UBL3: variants seen among roughly 807,000 people sequenced by gnomAD.
UBL3 encodes the protein ubiquitin-like protein 3.
A neutral mutation model predicts 18.4 loss-of-function variants in UBL3; 6 were observed. That is an observed-to-expected ratio of 0.33 (90% CI 0.18 to 0.64). UBL3 has a LOEUF of 0.64. Among genes scored for constraint, UBL3 ranks in the 30% least tolerant of loss-of-function variants. The pLI is 0.76. For missense variants in UBL3, 109 were observed against 142.9 expected, an observed-to-expected ratio of 0.76 and a Z score of 1.21; for synonymous variants, 49 against 46.6, an observed-to-expected ratio of 1.05 and a Z score of -0.21.
intron 1 of UBL3, among the ~76,000 whole-genome samples, chr13:29,788,874 CGCGCGCGCGCACGCGCACGTGTGT>C (rs58654015): frequency 0.34 from 21,004 of 61,434 alleles, 1,888 homozygotes; most frequent in East Asian, 0.54. Context: ...TGTGTGTGCG[CGCGCGCGCGCACGCGCACGTGTGT>C]GCGTGTGTGT....
intron 1 of UBL3, among the ~76,000 whole-genome samples, chr13:29,795,802 A>T (rs9506230): frequency 0.49 from 72,370 of 148,480 alleles, 18,664 homozygotes; most frequent in African/African-American, 0.65. Flanking sequence ...TGTGGTGGTA[A>T]GCACCTGCAG....
intron 1 of UBL3, among the ~76,000 whole-genome samples, chr13:29,831,681 AG>A (rs1878777045): frequency 6.6e-6 from 1 of 151,946 alleles, no homozygotes; most frequent in African/African-American, 2.4e-5. Context: ...GTTAAAAGAA[AG>A]GCTGATGACA....
At chr13:29,789,065 A>T (rs1225879631) in intron 1 of UBL3, among the ~76,000 whole-genome samples, 1 of 151,984 alleles carries the variant, frequency 6.6e-6, no homozygotes, top group Non-Finnish European at 1.5e-5. Context: ...ACACCCAGCT[A>T]ATTTTGCATT....
At chr13:29,780,347 C>CT (rs1293163693) in intron 1 of UBL3, among the ~76,000 whole-genome samples, 2 of 13,358 alleles carry the variant, frequency 1.5e-4, no homozygotes, top group African/African-American at 2.9e-4. Context: ...GAGCGAGACT[C>CT]TGTCTCAAAA....
chr13:29,827,464 G>A (rs1352876217), intron 1 of UBL3, among the ~76,000 whole-genome samples: 1 of 152,080 alleles, frequency 6.6e-6, no homozygotes, highest in African/African-American at 2.4e-5. Context: ...GATCTTTGCT[G>A]GTTTAAACTC....
chr13:29,789,689 T>G (rs1042293450), intron 1 of UBL3, among the ~76,000 whole-genome samples: 4 of 152,204 alleles, frequency 2.6e-5, no homozygotes, highest in African/African-American at 9.7e-5. Flanking sequence ...AAATTCAAGT[T>G]TATTTGCTTT....
chr13:29,824,608 C>G (rs1157529147), intron 1 of UBL3, among the ~76,000 whole-genome samples: 1 of 152,040 alleles, frequency 6.6e-6, no homozygotes, highest in Non-Finnish European at 1.5e-5. Context: ...GGATATTAGC[C>G]TTTTATCAGA....
At chr13:29,811,291 T>G (rs71427282) in intron 1 of UBL3, among the ~76,000 whole-genome samples, 15,547 of 152,150 alleles carry the variant, frequency 0.1, 975 homozygotes, top group African/African-American at 0.17. Flanking sequence ...TTTAATCTAC[T>G]AAGTGTGATT....
chr13:29,766,535 TAAAC>T lies in UBL3; in HGVS notation c.*716_*719del, dbSNP rs993429919. ...CACTCTCACCCCTTCTTGTGCTGTC[TAAAC>T]AAACACTCAGTTACTGTAGGACTCA... On this transcript the variant is annotated 3_prime_UTR_variant, in exon 5 of 5. Transcript: ENST00000380680. 2 of 152,598 alleles carry T rather than the reference TAAAC, an allele frequency of 1.3e-5. No homozygotes were observed. The highest frequency in any genetic ancestry group is 4.8e-5 in the African/African-American group (2 of 41,450). 9.5% of individuals were successfully genotyped at this position (152,598 alleles called of 1,614,324 possible). A position where few individuals can be genotyped will look rare whatever the true frequency, so the allele number is the denominator to read the frequency against.
rs372215647 is a variant in UBL3, at chr13:29,777,204, G to T, written c.87C>A (p.Asn29Lys). The change falls in exon 2 of 5, where the codon AAC becomes AAA. Residue 29 changes from asparagine to lysine, a missense_variant. Transcript: ENST00000380680. ...GCTTTGCAATGTCAGAAGCAGAATC[G>T]TTAGGAGAAAACAGGAACTCTTTTG... Reference protein sequence around the residue: ...GKTKEFLFSPNDSASDIAKHV... With the variant: ...GKTKEFLFSPKDSASDIAKHV... 4 of 1,609,716 alleles carry T rather than the reference G, an allele frequency of 2.5e-6. No homozygotes were observed. In the African/African-American group the frequency reaches 5.3e-5, roughly 22 times the overall value.
intron 1 of UBL3, among the ~76,000 whole-genome samples, chr13:29,829,413 T>C (rs1367101617): frequency 6.6e-6 from 1 of 152,248 alleles, no homozygotes; most frequent in Non-Finnish European, 1.5e-5. Context: ...CCAGCCTCGC[T>C]GCTGCCTTGC....
In UBL3 at chr13:29,766,231, GACTTTAA is replaced by G. The variant is rs1235575235; in HGVS notation, c.*1017_*1023del. ...GTGTATGCCATAAAAATCAGCTTTT[GACTTTAA>G]TACAATTGCAAGCACTAATATCAAA... On this transcript the variant is annotated 3_prime_UTR_variant, in exon 5 of 5. Coordinates refer to ENST00000380680, the MANE Select transcript of UBL3 (RefSeq NM_007106.4). 1 of 152,360 alleles carries G rather than the reference GACTTTAA, an allele frequency of 6.6e-6. No homozygotes were observed. The highest frequency in any genetic ancestry group is 1.5e-5 in the Non-Finnish European group (1 of 67,938). The allele number at this position is 152,360 out of a possible 1,614,324, so 9.4% of individuals were successfully genotyped here.
rs74044759 is a variant in UBL3 at position 29,832,902 on chromosome 13, G to A, written c.27+16610C>T. 2.3e-3 allele frequency among the ~76,000 whole-genome samples: 350 copies of A among 152,310 alleles called. 3 individuals are homozygous for A. The highest frequency in any genetic ancestry group is 8.3e-3 in the African/African-American group (345 of 41,556). On this transcript the variant is annotated intron_variant, in intron 1 of 4. Transcript: ENST00000380680. ...GAATTAGCACTGCAGTTGAGGACAA[G>A]TTTCAGGTGCAAATGGAGCAAGATA...
intron 1 of UBL3, among the ~76,000 whole-genome samples, chr13:29,826,180 G>A (rs932559219): frequency 2.6e-5 from 4 of 152,070 alleles, no homozygotes; most frequent in Admixed American, 6.6e-5. Context: ...GTACTCTGCC[G>A]GACTTTGGTG....
At chr13:29,808,755 A>T (rs1345745231) in intron 1 of UBL3, among the ~76,000 whole-genome samples, 1 of 152,122 alleles carries the variant, frequency 6.6e-6, no homozygotes, top group East Asian at 1.9e-4. Context: ...CTCAAATGAG[A>T]CAATATGTAT....
chr13:29,767,619 T>C lies in UBL3; in HGVS notation c.300A>G (p.Gln100=), dbSNP rs770502934. Reference sequence around the variant, plus strand: ...ATACTTTTCCAGTGCATGGCTTACCTTGAGAGTTTGGCTCTGGTAATGTCT... The same window carrying C: ...ATACTTTTCCAGTGCATGGCTTACCCTGAGAGTTTGGCTCTGGTAATGTCT... The part of the protein sequence containing the change: ...ARETLPEPNS[Q]GQRNREKTGE... Residue 100 remains glutamine (Q), a splice_region_variant and synonymous_variant, in exon 4 of 5, where the codon CAA becomes CAG. Coordinates refer to ENST00000380680, the MANE Select transcript of UBL3 (RefSeq NM_007106.4). 1.2e-6 allele frequency: 2 copies of C among 1,612,802 alleles called. No homozygotes were observed. The highest frequency in any genetic ancestry group is 2.2e-5 in the South Asian group (2 of 90,958).
At chr13:29,815,486 A>C (rs1878246031) in intron 1 of UBL3, among the ~76,000 whole-genome samples, 1 of 152,170 alleles carries the variant, frequency 6.6e-6, no homozygotes, top group Non-Finnish European at 1.5e-5. Context: ...TGAACAAATA[A>C]ATTTGTGAGG....
intron 1 of UBL3, among the ~76,000 whole-genome samples, chr13:29,785,043 C>T (rs186517934): frequency 6.6e-6 from 1 of 152,200 alleles, no homozygotes; most frequent in Admixed American, 6.5e-5. Context: ...GTAGCTGGGA[C>T]TACAGGTGCA....
rs1876707441 is a variant in UBL3 at position 29,767,029 on chromosome 13, G to T, written c.*226C>A. ...TGACTGCATTCAAAAACCAATATGT[G>T]TTAAAACAGCTCAACAAAAAATACA... On this transcript the variant is annotated 3_prime_UTR_variant, in exon 5 of 5. Transcript: ENST00000380680. 7.0e-6 allele frequency: 3 copies of T among 427,920 alleles called. No individual in the cohort carries two copies. Among genetic ancestry groups the T allele is most frequent in the Non-Finnish European group, 1.2e-5 (3 of 244,708 alleles). 26.5% of individuals were successfully genotyped at this position (427,920 alleles called of 1,614,324 possible). A position where few individuals can be genotyped will look rare whatever the true frequency, so the allele number is the denominator to read the frequency against.
Sources: gnomAD v4.1 joint callset for allele counts (sites outside exome capture counted in the v4.1 genomes callset) on GRCh38, gnomAD v4.1.1 for gene constraint, MANE v1.5 for transcripts, NCBI Gene and HGNC (gene_info 2026-07-23, HGNC 2026-07-21) for gene names.